The following TRABD2B variants were observed in gnomAD, a reference collection of about 807,000 sequenced individuals.
TRABD2B encodes the protein metalloprotease TIKI2.
A neutral mutation model predicts 40.1 loss-of-function variants in TRABD2B; 14 were observed. That is an observed-to-expected ratio of 0.35 (90% CI 0.23 to 0.55). TRABD2B has a LOEUF of 0.55. Among genes scored for constraint, TRABD2B ranks in the 20% least tolerant of loss-of-function variants. The pLI is 0.90. For synonymous variants in TRABD2B, 263 were observed against 277.0 expected, an observed-to-expected ratio of 0.95 and a Z score of 0.50; for missense variants, 541 against 648.6, an observed-to-expected ratio of 0.83 and a Z score of 1.80.
chr1:47,943,771 C>T (rs1297455127), intron 2 of TRABD2B, among the ~76,000 whole-genome samples: 1 of 150,804 alleles, frequency 6.6e-6, no homozygotes, highest in Admixed American at 6.6e-5. Context: ...CACACACACA[C>T]ACACACACAC....
At chr1:47,885,817 A>C (rs1321545820) in intron 2 of TRABD2B, among the ~76,000 whole-genome samples, 1 of 152,210 alleles carries the variant, frequency 6.6e-6, no homozygotes, top group Non-Finnish European at 1.5e-5. Context: ...CTCAGCTGAG[A>C]TAGAGCTCAA....
intron 2 of TRABD2B, among the ~76,000 whole-genome samples, chr1:47,828,143 C>T (rs1645200757): frequency 6.6e-6 from 1 of 152,182 alleles, no homozygotes; most frequent in Non-Finnish European, 1.5e-5. Flanking sequence ...CAGGGCCACA[C>T]ACAGTAGGTG....
chr1:47,995,537 T>G (rs995671186), intron 1 of TRABD2B, among the ~76,000 whole-genome samples: 3 of 151,772 alleles, frequency 2.0e-5, no homozygotes, highest in Non-Finnish European at 2.9e-5. Flanking sequence ...TGTGTGTATG[T>G]AGGAGCTGAA....
chr1:47,914,552 T>C (rs533516075), intron 2 of TRABD2B, among the ~76,000 whole-genome samples: 1 of 152,350 alleles, frequency 6.6e-6, no homozygotes, highest in South Asian at 2.1e-4. Context: ...AGCAGCAGTG[T>C]GCAATTGGAT....
At chr1:47,931,347 C>T (rs960677582) in intron 2 of TRABD2B, among the ~76,000 whole-genome samples, 1 of 152,102 alleles carries the variant, frequency 6.6e-6, no homozygotes, top group Non-Finnish European at 1.5e-5. Flanking sequence ...TCTCTTTTCG[C>T]CACCAGCAGC....
chr1:47,786,204 G>C (rs1644593220), intron 4 of TRABD2B, among the ~76,000 whole-genome samples: 1 of 152,242 alleles, frequency 6.6e-6, no homozygotes, highest in Non-Finnish European at 1.5e-5. Flanking sequence ...GGCGACTTCT[G>C]ATCAGGAGAA....
chr1:47,866,858 C>A (rs989475981), intron 2 of TRABD2B, among the ~76,000 whole-genome samples: 1 of 152,140 alleles, frequency 6.6e-6, no homozygotes, highest in Non-Finnish European at 1.5e-5. Flanking sequence ...AGGCCTTGGG[C>A]GCCCCAAGGT....
At chr1:47,972,136 T>C (rs1311100577) in intron 2 of TRABD2B, among the ~76,000 whole-genome samples, 1 of 152,210 alleles carries the variant, frequency 6.6e-6, no homozygotes, top group African/African-American at 2.4e-5. Flanking sequence ...ATCATTATTA[T>C]TACAATAAAT....
chr1:47,841,111 AG>A (rs1309373295), intron 2 of TRABD2B, among the ~76,000 whole-genome samples: 1 of 152,166 alleles, frequency 6.6e-6, no homozygotes, highest in Non-Finnish European at 1.5e-5. Context: ...ATGACTGACG[AG>A]GGGAGGGCAA....
chr1:47,837,033 C>T (rs1645328479), intron 2 of TRABD2B, among the ~76,000 whole-genome samples: 2 of 152,230 alleles, frequency 1.3e-5, no homozygotes, highest in African/African-American at 2.4e-5. Context: ...GAGTGGCTTC[C>T]TATTAGGTGT....
At chr1:47,820,903 G>A (rs921949430) in intron 2 of TRABD2B, among the ~76,000 whole-genome samples, 5 of 151,966 alleles carry the variant, frequency 3.3e-5, no homozygotes, top group African/African-American at 7.3e-5. Flanking sequence ...GCTCAGAGAG[G>A]CTGAACAAGT....
At chr1:47,953,039 C>G (rs1381515027) in intron 2 of TRABD2B, among the ~76,000 whole-genome samples, 3 of 152,220 alleles carry the variant, frequency 2.0e-5, no homozygotes. Context: ...TGGGGCAACT[C>G]AGCAATCCCT....
intron 2 of TRABD2B, among the ~76,000 whole-genome samples, chr1:47,928,185 A>G (rs1446584025): frequency 6.6e-6 from 1 of 152,174 alleles, no homozygotes; most frequent in East Asian, 1.9e-4. Flanking sequence ...GCCACACAGT[A>G]AATAAGTGGT....
chr1:47,798,797 G>T (rs1297021657), intron 3 of TRABD2B, among the ~76,000 whole-genome samples: 1 of 152,092 alleles, frequency 6.6e-6, no homozygotes, highest in East Asian at 1.9e-4. Flanking sequence ...CACAGCCTCC[G>T]TATCCTCAGT....
Position 47,996,144 on chromosome 1 carries a change from A to G in TRABD2B, c.102+544T>C, listed in dbSNP as rs1316830477. 6.6e-6 allele frequency among the ~76,000 whole-genome samples: 1 copy of G among 151,728 alleles called. No homozygotes were observed. The highest frequency in any genetic ancestry group is 1.5e-5 in the Non-Finnish European group (1 of 67,942). ...TTTTCACGAAATATGGACGCTTGGG[A>G]GAGTAGGTGGTGGGAGCCTGGGCCG... On this transcript the variant is annotated intron_variant, in intron 1 of 6. Coordinates refer to ENST00000606738, the MANE Select transcript of TRABD2B (RefSeq NM_001194986.2). This position sits in a 1 kb window ranked among gnomAD's most constrained non-coding sequence, Gnocchi z 4.6.
intron 2 of TRABD2B, among the ~76,000 whole-genome samples, chr1:47,961,905 C>G (rs962464290): frequency 6.6e-6 from 1 of 152,176 alleles, no homozygotes; most frequent in Non-Finnish European, 1.5e-5. Flanking sequence ...TATAAAGACA[C>G]ATGCACACGT....
chr1:47,814,890 TC>T (rs1362730406), intron 2 of TRABD2B, among the ~76,000 whole-genome samples: 33 of 152,286 alleles, frequency 2.2e-4, no homozygotes, highest in Admixed American at 1.7e-3. Flanking sequence ...AGGAGACACT[TC>T]CTGGCAACAG....
intron 5 of TRABD2B, among the ~76,000 whole-genome samples, chr1:47,777,313 C>T (rs1644460968): frequency 6.6e-6 from 1 of 152,198 alleles, no homozygotes; most frequent in Non-Finnish European, 1.5e-5. Flanking sequence ...CCCCTGGCCC[C>T]CAGTATAAAC....
At position 47,804,659 on chromosome 1, in the gene TRABD2B, T is replaced by C. The variant is rs573060842; in HGVS notation, c.667-3040A>G. Among the ~76,000 whole-genome samples the C allele has an allele frequency of 6.6e-5, 10 of 152,286 alleles. No homozygotes were observed. The South Asian group carries it at 1.9e-3, about 28-fold the overall frequency. On this transcript the variant is annotated intron_variant, in intron 2 of 6. Transcript: ENST00000606738. ...GGAAGGTGTTCCAGTGAATTTAGTATGTTATAATCTGTGGGGTGCTAAAAA... is the reference window on the plus strand; with the variant it reads ...GGAAGGTGTTCCAGTGAATTTAGTACGTTATAATCTGTGGGGTGCTAAAAA...
Sources: gnomAD v4.1 joint callset for allele counts (sites outside exome capture counted in the v4.1 genomes callset) on GRCh38, gnomAD v4.1.1 for gene constraint, Gnocchi (gnomAD v3.1) non-coding constraint, MANE v1.5 for transcripts, NCBI Gene and HGNC (gene_info 2026-07-23, HGNC 2026-07-21) for gene names.